The following ATP11C variants were observed in gnomAD, a reference collection of about 807,000 sequenced individuals.
ATP11C encodes phospholipid-transporting ATPase IG.
A neutral mutation model predicts 97.4 loss-of-function variants in ATP11C; 36 were observed. The observed-to-expected ratio is 0.37, with a 90% confidence interval of 0.28 to 0.49. The LOEUF (loss-of-function observed/expected upper bound fraction) is 0.49. Ranked by LOEUF, ATP11C falls within the 20% of genes least tolerant of loss-of-function variation. The pLI is 0.98. For missense variants in ATP11C, 730 were observed against 824.6 expected (o/e 0.89, Z 1.40); for synonymous variants, 275 against 290.9 (o/e 0.95, Z 0.56).
intron 1 of ATP11C, among the ~76,000 whole-genome samples, chrX:139,870,129 G>C (rs2084350336): frequency 9.0e-6 from 1 of 111,506 alleles, no homozygotes. Context: ...TATTACTTTA[G>C]TTGTAGTGGT....
intron 22 of ATP11C, among the ~76,000 whole-genome samples, chrX:139,760,822 T>C: frequency 8.9e-6 from 1 of 112,026 alleles, no homozygotes; most frequent in Non-Finnish European, 1.9e-5. Context: ...GAGAAAAATG[T>C]TCACAACATA....
chrX:139,907,562 C>T (rs1238337079), intron 1 of ATP11C, among the ~76,000 whole-genome samples: 1 of 110,072 alleles, frequency 9.1e-6, no homozygotes, highest in East Asian at 2.9e-4. Context: ...TCCTGGCTAA[C>T]ACGGTGAAAC....
At chrX:139,798,510 T>C (rs974118170) in intron 9 of ATP11C, among the ~76,000 whole-genome samples, 156 bp from the exon 10 acceptor site, 4 of 112,145 alleles carry the variant, frequency 3.6e-5, no homozygotes, top group African/African-American at 1.3e-4. Flanking sequence ...TAATTATATA[T>C]AGTATTTGTC....
At chrX:139,871,261 T>C (rs1479247456) in intron 1 of ATP11C, among the ~76,000 whole-genome samples, 7 of 105,301 alleles carry the variant, frequency 6.6e-5, no homozygotes, top group African/African-American at 1.0e-4. Flanking sequence ...CAGGCTGGAG[T>C]GCAGTGGCGT....
chrX:139,934,644 C>A (rs1481057340), upstream of ATP11C, among the ~76,000 whole-genome samples: 1 of 105,911 alleles, frequency 9.4e-6, no homozygotes. Context: ...CCTCTGCCTC[C>A]TGGGTTCAAG....
intron 11 of ATP11C, among the ~76,000 whole-genome samples, chrX:139,796,911 G>A (rs1202800446): frequency 9.2e-6 from 1 of 109,132 alleles, no homozygotes; most frequent in African/African-American, 3.3e-5. Flanking sequence ...GATGCCTAAA[G>A]TAAAAGAAAA....
intron 1 of ATP11C, chrX:139,924,334 T>C (rs770831621): frequency 2.5e-5 from 8 of 313,896 alleles, no homozygotes; most frequent in Admixed American, 1.8e-4. Flanking sequence ...AGCATGGCTA[T>C]GGGCAGCAAA....
intron 1 of ATP11C, among the ~76,000 whole-genome samples, chrX:139,901,282 T>C (rs2084895834): frequency 9.0e-6 from 1 of 111,512 alleles, no homozygotes; most frequent in Non-Finnish European, 1.9e-5. Context: ...GGTTTGGAAG[T>C]TGACTGGAAT....
chrX:139,914,924 T>G (rs185073720), intron 1 of ATP11C, among the ~76,000 whole-genome samples: 72 of 111,878 alleles, frequency 6.4e-4, no homozygotes, highest in Non-Finnish European at 1.2e-3. Context: ...AATAACCAAA[T>G]GTGTATAATA....
intron 20 of ATP11C, among the ~76,000 whole-genome samples, chrX:139,765,070 G>C (rs1354806007): frequency 9.0e-6 from 1 of 110,786 alleles, no homozygotes; most frequent in Non-Finnish European, 1.9e-5. Context: ...TGAAAACATA[G>C]ACTAAAAAGA....
chrX:139,838,662 G>C (rs748154597), intron 1 of ATP11C, among the ~76,000 whole-genome samples: 2 of 112,683 alleles, frequency 1.8e-5, no homozygotes, highest in South Asian at 3.7e-4. Flanking sequence ...TCAAAAGGTG[G>C]AAACAGTCTG....
chrX:139,847,411 C>T (rs1319844340), intron 1 of ATP11C, among the ~76,000 whole-genome samples: 2 of 108,591 alleles, frequency 1.8e-5, no homozygotes, highest in African/African-American at 6.7e-5. Context: ...TAGCTATGTC[C>T]TATATGGCTG....
At chrX:139,812,901 C>T (rs1042426294) in intron 5 of ATP11C, among the ~76,000 whole-genome samples, 1 of 111,412 alleles carries the variant, frequency 9.0e-6, no homozygotes, top group Non-Finnish European at 1.9e-5. Flanking sequence ...TAACCTAGTT[C>T]GGCACAAGTT....
At chrX:139,849,882 T>C (rs1343242877) in intron 1 of ATP11C, among the ~76,000 whole-genome samples, 1 of 112,262 alleles carries the variant, frequency 8.9e-6, no homozygotes, top group Non-Finnish European at 1.9e-5. Flanking sequence ...TGGATTGTTA[T>C]GAAAGCAAGT....
intron 1 of ATP11C, among the ~76,000 whole-genome samples, chrX:139,891,777 C>T (rs1228725930): frequency 8.9e-6 from 1 of 112,145 alleles, no homozygotes. Context: ...ACCAAGCTAT[C>T]CATCTGATGG....
intron 1 of ATP11C, among the ~76,000 whole-genome samples, chrX:139,915,656 C>T (rs1294351098): frequency 1.8e-5 from 2 of 109,469 alleles, no homozygotes; most frequent in Admixed American, 2.0e-4. Context: ...AAGACTCTAT[C>T]TCAAAAAAAG....
Position 139,838,790 on chromosome X carries a change from A to C in ATP11C, c.28-11967T>G, listed in dbSNP as rs774208461. Among the ~76,000 whole-genome samples, 12 of 111,902 alleles carry C rather than the reference A, an allele frequency of 1.1e-4. No homozygotes were observed. The East Asian group carries it at 3.4e-3, about 32-fold the overall frequency. On this transcript the variant is annotated intron_variant, in intron 1 of 29. Transcript: ENST00000682941. ...TGGTGAAACCCTGTCTCTACTAAAAATACAAAAATTATCCAGGCGTGGTGG... is the reference window on the plus strand; with the variant it reads ...TGGTGAAACCCTGTCTCTACTAAAACTACAAAAATTATCCAGGCGTGGTGG...
chrX:139,733,277 C>A, intron 28 of ATP11C, among the ~76,000 whole-genome samples: 1 of 111,629 alleles, frequency 9.0e-6, no homozygotes, highest in Non-Finnish European at 1.9e-5. Flanking sequence ...CCTTCTGATT[C>A]TGTGCCTGAA....
At chrX:139,741,228 G>C (rs1350036946) in intron 26 of ATP11C, 134 bp from the exon 27 acceptor site, 4 of 455,646 alleles carry the variant, frequency 8.8e-6, no homozygotes, top group Non-Finnish European at 1.2e-5. Context: ...AGAGAAGAGG[G>C]GAACTAAACA....
Sources: allele counts gnomAD v4.1 joint callset (sites outside exome capture counted in the v4.1 genomes callset), GRCh38; gene constraint gnomAD v4.1.1; transcripts MANE v1.5; gene names NCBI Gene and HGNC (gene_info 2026-07-23, HGNC 2026-07-21).